Variants in TNS1 observed in about 807,000 individuals in gnomAD.
The protein encoded by TNS1 is tensin-1.
TNS1 carries 62 observed loss-of-function variants against 168.6 expected under a neutral mutation model. The ratio of observed to expected loss-of-function variants is 0.37; its 90% CI spans 0.30 to 0.45. TNS1 has a LOEUF of 0.45. Among genes scored for constraint, TNS1 ranks in the 20% least tolerant of loss-of-function variants. The pLI, the probability that TNS1 is intolerant of heterozygous loss-of-function variation, is 1.00. For synonymous variants in TNS1, 934 were observed against 933.2 expected (o/e 1.00, Z -0.02); for missense variants, 2,240 against 2,339.4 (o/e 0.96, Z 0.88).
At chr2:217,870,199 C>A (rs1179908985) in intron 18 of TNS1, among the ~76,000 whole-genome samples, 3 of 152,252 alleles carry the variant, frequency 2.0e-5, no homozygotes, top group African/African-American at 7.2e-5. Context: ...GAAGACAGGG[C>A]ACTTGCCCGA....
intron 18 of TNS1, among the ~76,000 whole-genome samples, chr2:217,865,700 G>A (rs1949212755): frequency 6.6e-6 from 1 of 152,184 alleles, no homozygotes; most frequent in Non-Finnish European, 1.5e-5. Flanking sequence ...CAGGGCACAG[G>A]GAGATAAATG....
chr2:217,885,002 G>GCTCCTCCC lies in TNS1; in HGVS notation c.1246+32_1246+33insGGGAGGAG, dbSNP rs1447030651. 6.8e-6 allele frequency: 11 copies of GCTCCTCCC among 1,612,736 alleles called. No individual in the cohort carries two copies. The African/African-American group carries it at 8.0e-5, about 12-fold the overall frequency. On this transcript the variant is annotated intron_variant, in intron 16 of 32. Transcript: ENST00000682258. ...CTGAGCTCCTCTCCCTGCCACAGGGGTGCCCACCCCCAGCTCCACTCAAGG... is the reference window on the plus strand; with the variant it reads ...CTGAGCTCCTCTCCCTGCCACAGGGGCTCCTCCCTGCCCACCCCCAGCTCCACTCAAGG...
intron 22 of TNS1, among the ~76,000 whole-genome samples, chr2:217,827,510 G>A (rs747355574): frequency 3.3e-5 from 5 of 152,068 alleles, no homozygotes; most frequent in Admixed American, 1.3e-4. Flanking sequence ...CCCCTTCCCC[G>A]CTCCACTCCC....
intron 19 of TNS1, among the ~76,000 whole-genome samples, chr2:217,838,026 T>C (rs1401130049): frequency 6.6e-6 from 1 of 152,214 alleles, no homozygotes; most frequent in Non-Finnish European, 1.5e-5. Context: ...GACATAGCCA[T>C]TGATTTTCTA....
intron 4 of TNS1, among the ~76,000 whole-genome samples, chr2:217,911,163 A>G (rs1954361109): frequency 6.6e-6 from 1 of 152,180 alleles, no homozygotes; most frequent in South Asian, 2.1e-4. Context: ...GGCTTTCCAA[A>G]GTGAGAGCAG....
chr2:217,818,285 G>A lies in TNS1; in HGVS notation c.4047C>T (p.Ser1349=). 1.2e-6 allele frequency: 2 copies of A among 1,613,560 alleles called. No homozygotes were observed. Among genetic ancestry groups the A allele is most frequent in the Non-Finnish European group, 1.7e-6 (2 of 1,179,724 alleles). ...AGACCCCTGCTGGGTGCCGACACAG[G>A]CTGGGGCTCCCCGGGGTGGTCGCTG... ...SSAATTPGSP[S]LCRHPAGVYQ... is the part of the protein sequence containing the mutation. Residue 1349 remains serine, a synonymous_variant, in exon 24 of 33, where the codon AGC becomes AGT. Coordinates refer to ENST00000682258, the MANE Select transcript of TNS1 (RefSeq NM_001387777.1).
intron 19 of TNS1, among the ~76,000 whole-genome samples, chr2:217,836,727 GC>G (rs935104682): frequency 2.6e-5 from 4 of 152,146 alleles, no homozygotes; most frequent in African/African-American, 9.7e-5. Flanking sequence ...GCCCCAGTTG[GC>G]CTCTGGGATA....
intron 22 of TNS1, among the ~76,000 whole-genome samples, chr2:217,824,836 A>G (rs1574646401): frequency 6.6e-6 from 1 of 151,428 alleles, no homozygotes; most frequent in Non-Finnish European, 1.5e-5. Flanking sequence ...TCTCGGCACC[A>G]CCTCTCTCCC....
At chr2:217,901,857 G>C (rs1016461299) in intron 6 of TNS1, 9 of 152,262 alleles carry the variant, frequency 5.9e-5, no homozygotes, top group African/African-American at 2.2e-4. Flanking sequence ...CCGAGGTCCA[G>C]CTCCCAGCTG....
In TNS1 at chr2:217,910,703, C is replaced by T. The variant is rs560120480; in HGVS notation, c.229-3452G>A. On this transcript the variant is annotated intron_variant, in intron 4 of 32. Transcript: ENST00000682258. ...CTGGCCAGGATGTTTCTACAGCTAC[C>T]ACATACACATACACACACACACACA... Among the ~76,000 whole-genome samples the T allele has an allele frequency of 2.9e-4, 38 of 132,760 alleles. No individual in the cohort carries two copies. In the East Asian group the frequency reaches 8.1e-3, roughly 28 times the overall value. 87.1% of individuals were successfully genotyped at this position (132,760 alleles called of 152,430 possible). A position where few individuals can be genotyped will look rare whatever the true frequency, so the allele number is the denominator to read the frequency against.
At chr2:217,902,562 C>G (rs1953134221) in intron 6 of TNS1, among the ~76,000 whole-genome samples, 1 of 152,154 alleles carries the variant, frequency 6.6e-6, no homozygotes. Context: ...GCTCCCCTTT[C>G]CCCACCGCCC....
chr2:217,928,686 C>T (rs1956162297), intron 3 of TNS1, among the ~76,000 whole-genome samples: 1 of 152,182 alleles, frequency 6.6e-6, no homozygotes, highest in African/African-American at 2.4e-5. Flanking sequence ...CCCCAGGCCC[C>T]ACCCCTCCCC....
At position 217,863,048 on chromosome 2, in the gene TNS1, C is replaced by T. The variant is rs3791951; in HGVS notation, c.1430-13961G>A. Among the ~76,000 whole-genome samples, 26 of 152,218 alleles carry T rather than the reference C, an allele frequency of 1.7e-4. 1 individual carries two copies. The East Asian group carries it at 4.8e-3, about 28-fold the overall frequency. The stretch of plus-strand genomic sequence containing the variant: ...AGGGGGCCCAGCCTCCCTGGTCACC[C>T]CCTCCAAGGCTTAGTCCCTTCCTGT... On this transcript the variant is annotated intron_variant, in intron 18 of 32. Coordinates refer to ENST00000682258, the MANE Select transcript of TNS1 (RefSeq NM_001387777.1).
At chr2:218,007,609 G>A (rs577562083), upstream of TNS1, among the ~76,000 whole-genome samples, 46 of 151,778 alleles carry the variant, frequency 3.0e-4, no homozygotes, top group Middle Eastern at 3.4e-3. Flanking sequence ...AGGAGAGAGT[G>A]GGGAGCCAAG....
At chr2:217,842,195 C>T in intron 19 of TNS1, 1 of 696,606 alleles carries the variant, frequency 1.4e-6, no homozygotes, top group Non-Finnish European at 2.6e-6. Flanking sequence ...TGACATTGCC[C>T]AGTGCTATGC....
chr2:218,021,113 C>A (rs1958803148), intron 1 of TNS1, among the ~76,000 whole-genome samples: 1 of 152,260 alleles, frequency 6.6e-6, no homozygotes, highest in Admixed American at 6.5e-5. Context: ...CTGACCCCAG[C>A]CCCTTGCCCC....
chr2:217,996,216 G>T (rs1192204356), intron 1 of TNS1, among the ~76,000 whole-genome samples: 1 of 152,188 alleles, frequency 6.6e-6, no homozygotes, highest in African/African-American at 2.4e-5. Context: ...AGCCCTGGAT[G>T]ATGTGGGGAG....
At chr2:217,955,043 G>A (rs79803279) in intron 3 of TNS1, among the ~76,000 whole-genome samples, 1,552 of 152,284 alleles carry the variant, frequency 0.01, 33 homozygotes, top group African/African-American at 0.035. Context: ...AGGTACCCAC[G>A]GGCTGTCTGG....
chr2:217,848,163 G>GGCTGCTGCTGCTGCTGCT lies in TNS1; in HGVS notation c.2336_2353dup (p.Gln779_Gln784dup). 1.3e-6 allele frequency: 2 copies of GGCTGCTGCTGCTGCTGCT among 1,502,034 alleles called. No homozygotes were observed. Among genetic ancestry groups the GGCTGCTGCTGCTGCTGCT allele is most frequent in the South Asian group, 1.2e-5 (1 of 81,298 alleles). The allele number at this position is 1,502,034 out of a possible 1,614,324, so 93.0% of individuals were successfully genotyped here. A position where few individuals can be genotyped will look rare whatever the true frequency, so the allele number is the denominator to read the frequency against. ...TTCCTGCTGGCGTGGAGGTGGGCGA[G>GGCTGCTGCTGCTGCTGCT]GCTGCTGCTGCTGCTGCTGCTGCTG... is the stretch of plus-strand genomic sequence containing the variant. On this transcript the variant is annotated inframe_insertion, in exon 19 of 33. Transcript: ENST00000682258.
Sources: gnomAD v4.1 joint callset for allele counts (sites outside exome capture counted in the v4.1 genomes callset) on GRCh38, gnomAD v4.1.1 for gene constraint, MANE v1.5 for transcripts, NCBI Gene and HGNC (gene_info 2026-07-23, HGNC 2026-07-21) for gene names.